GTPBP8: variants seen among roughly 807,000 people sequenced by gnomAD.
The protein encoded by GTPBP8 is GTP-binding protein 8.
A neutral mutation model predicts 27.3 loss-of-function variants in GTPBP8; 21 were observed. The ratio of observed to expected loss-of-function variants is 0.77; its 90% CI spans 0.55 to 1.11. The LOEUF (loss-of-function observed/expected upper bound fraction) is 1.11, where lower values mean the gene tolerates loss of function less well. Among genes scored for constraint, GTPBP8 ranks in the 50% least tolerant of loss-of-function variants. The pLI, the probability that GTPBP8 is intolerant of heterozygous loss-of-function variation, is 0.00. For missense variants in GTPBP8, 380 were observed against 350.8 expected, an observed-to-expected ratio of 1.08 and a Z score of -0.67; for synonymous variants, 147 against 135.3, an observed-to-expected ratio of 1.09 and a Z score of -0.60.
intron 2 of GTPBP8, among the ~76,000 whole-genome samples, chr3:112,994,222 G>A (rs957672758): frequency 2.2e-4 from 34 of 152,202 alleles, no homozygotes; most frequent in Non-Finnish European, 2.5e-4. Flanking sequence ...TTGGGAGTTC[G>A]AGACCAGCCT....
Position 113,001,608 on chromosome 3 carries a change from A to G in GTPBP8, c.*689A>G, listed in dbSNP as rs970151982. On this transcript the variant is annotated 3_prime_UTR_variant, in exon 6 of 6. Coordinates refer to ENST00000383678, the MANE Select transcript of GTPBP8 (RefSeq NM_014170.4). ...AGGTAACATGTGAGAAGACAGCTAC[A>G]TATTTGTAAAGCCAAACCAACAAAG... 1.3e-5 allele frequency: 2 copies of G among 152,236 alleles called. No homozygotes were observed. The highest frequency in any genetic ancestry group is 2.4e-5 in the African/African-American group (1 of 41,470). 9.4% of individuals were successfully genotyped at this position (152,236 alleles called of 1,614,324 possible).
In GTPBP8 at chr3:112,996,239, A is replaced by T. The variant is rs570014301; in HGVS notation, c.567-653A>T. Among the ~76,000 whole-genome samples the T allele has an allele frequency of 2.0e-5, 3 of 152,198 alleles. No homozygotes were observed. In the South Asian group the frequency reaches 6.2e-4, roughly 32 times the overall value. On this transcript the variant is annotated intron_variant, in intron 3 of 5. Transcript: ENST00000383678. ...TTTGGGAGGCCGAGGTCGGCGGATCACTTGAGGTCAGGAGTTCGAGACCAG... is the reference window on the plus strand; with the variant it reads ...TTTGGGAGGCCGAGGTCGGCGGATCTCTTGAGGTCAGGAGTTCGAGACCAG...
chr3:112,995,837 A>G (rs1361191130), intron 3 of GTPBP8, among the ~76,000 whole-genome samples: 1 of 152,122 alleles, frequency 6.6e-6, no homozygotes, highest in African/African-American at 2.4e-5. Context: ...CACCTGGCCC[A>G]TTAATTTTTT....
At position 112,991,343 on chromosome 3, in the gene GTPBP8, G is replaced by A. The variant is rs748040437; in HGVS notation, c.336+8G>A. ...GACCTTCCGCGGCCAGAGGTGAGAGGCGATTCTCACGGTTCACCTGCGCGC... is the reference window on the plus strand; with the variant it reads ...GACCTTCCGCGGCCAGAGGTGAGAGACGATTCTCACGGTTCACCTGCGCGC... On this transcript the variant is annotated splice_region_variant and intron_variant, in intron 1 of 5. Coordinates refer to ENST00000383678, the MANE Select transcript of GTPBP8 (RefSeq NM_014170.4). 7 of 1,611,398 alleles carry A rather than the reference G, an allele frequency of 4.3e-6. No homozygotes were observed. The highest frequency in any genetic ancestry group is 5.9e-6 in the Non-Finnish European group (7 of 1,178,262).
intron 4 of GTPBP8, 72 bp downstream of exon 4, chr3:112,997,063 C>A: frequency 1.4e-6 from 1 of 722,868 alleles, no homozygotes; most frequent in Non-Finnish European, 2.4e-6. Flanking sequence ...GAACATGCAC[C>A]TTTTAACAAT....
chr3:112,995,336 T>C, intron 3 of GTPBP8, 71 bp downstream of exon 3: 1 of 941,936 alleles, frequency 1.1e-6, no homozygotes, highest in Non-Finnish European at 1.6e-6. Flanking sequence ...TAGAGTATTA[T>C]ACACATGATT....
chr3:112,995,248 T>G lies in GTPBP8; in HGVS notation c.549T>G (p.Tyr183Ter), dbSNP rs768373063. 4 of 1,599,180 alleles carry G rather than the reference T, an allele frequency of 2.5e-6. No individual in the cohort carries two copies. Among genetic ancestry groups the G allele is most frequent in the Non-Finnish European group, 3.4e-6 (4 of 1,173,130 alleles). The part of the protein sequence containing the change: ...PEDFVDMVET[Y>*]LKERRNLKRT... The stretch of plus-strand genomic sequence containing the variant: ...ATTTTGTTGACATGGTAGAGACCTA[T>G]CTAAAAGAACGAAGGAAGTAAGGAA... Residue 183 changes from tyrosine to a stop codon, truncating the protein, a stop_gained, in exon 3 of 6, where the codon TAT (tyrosine) becomes TAG (stop). Transcript: ENST00000383678. LOFTEE classifies it high-confidence loss of function.
intron 4 of GTPBP8, among the ~76,000 whole-genome samples, chr3:112,997,900 A>C (rs1175494875): frequency 6.6e-6 from 1 of 152,222 alleles, no homozygotes; most frequent in Non-Finnish European, 1.5e-5. Context: ...TAGTTTATGA[A>C]ATCATATATT....
In GTPBP8 at chr3:113,000,858, C is replaced by T. The variant is rs751251006; in HGVS notation, c.794C>T (p.Thr265Ile). Reference sequence around the variant, plus strand: ...CTCTTTTCTTTTCACAGTGCTGTGACCTTTTCTGGAATCCACCTGTTGAGA... The same window carrying T: ...CTCTTTTCTTTTCACAGTGCTGTGATCTTTTCTGGAATCCACCTGTTGAGA... Reference protein sequence around the residue: ...FPQLFPVSAVTFSGIHLLRCF... With the variant: ...FPQLFPVSAVIFSGIHLLRCF... Residue 265 changes from threonine to isoleucine, a missense_variant, in exon 6 of 6, where the codon ACC becomes ATC. Transcript: ENST00000383678. 2.5e-6 allele frequency: 4 copies of T among 1,590,266 alleles called. No individual in the cohort carries two copies. The highest frequency in any genetic ancestry group is 3.4e-6 in the Non-Finnish European group (4 of 1,159,842).
At chr3:112,997,436 C>T (rs967987496) in intron 4 of GTPBP8, among the ~76,000 whole-genome samples, 5 of 152,202 alleles carry the variant, frequency 3.3e-5, no homozygotes, top group African/African-American at 4.8e-5. Context: ...CAGCCTCCAG[C>T]ACACACAAGT....
At chr3:112,993,356 T>C (rs1007645027) in intron 2 of GTPBP8, among the ~76,000 whole-genome samples, 13 of 150,758 alleles carry the variant, frequency 8.6e-5, no homozygotes, top group Middle Eastern at 3.4e-3. Context: ...TCTTTCTTTA[T>C]CCAAATTTTG....
chr3:112,991,229 A>C lies in GTPBP8; in HGVS notation c.230A>C (p.Asp77Ala). The change falls in exon 1 of 6, where the codon GAC becomes GCC. Residue 77 changes from aspartate to alanine, a missense_variant. Asp to Ala is a moderately radical substitution (Grantham distance 126). Transcript: ENST00000383678. ...HLRIFDPSPEDIARADNIFTA... is the reference protein window; with the variant it reads ...HLRIFDPSPEAIARADNIFTA... ...CGTATCTTTGACCCAAGCCCGGAGG[A>C]CATAGCCAGGGCGGACAACATCTTC... The C allele has an allele frequency of 6.2e-7, 1 of 1,614,152 alleles. No homozygotes were observed. Among genetic ancestry groups the C allele is most frequent in the Admixed American group, 1.7e-5 (1 of 60,038 alleles).
chr3:112,991,306 G>C lies in GTPBP8; in HGVS notation c.307G>C (p.Asp103His). 6.2e-7 allele frequency: 1 copy of C among 1,613,650 alleles called. No homozygotes were observed. The highest frequency in any genetic ancestry group is 1.1e-5 in the South Asian group (1 of 91,072). ...CTACGTCAGCTCCGCCGTCCGTATC[G>C]ACCACGCCCCGGACCTTCCGCGGCC... ...IDYVSSAVRI[D>H]HAPDLPRPEV... is the part of the protein sequence containing the mutation. Residue 103 changes from aspartate (D) to histidine (H), a missense_variant, in exon 1 of 6, where the codon GAC becomes CAC. By Grantham distance (81) the Asp-to-His change is moderately conservative. Transcript: ENST00000383678.
At chr3:112,994,795 A>C (rs1395954222) in intron 2 of GTPBP8, among the ~76,000 whole-genome samples, 1 of 152,236 alleles carries the variant, frequency 6.6e-6, no homozygotes, top group African/African-American at 2.4e-5. Context: ...ATATTGACTG[A>C]TGCAGTCACA....
In GTPBP8 at chr3:112,991,051, G is replaced by C; in HGVS notation, c.52G>C (p.Ala18Pro). ...AGCGGGAAGACTCTTTGAAATGCCT[G>C]CGGTGCTAGAGCGACTGAGCCGCTA... is the stretch of plus-strand genomic sequence containing the variant. ...LGAGRLFEMP[A>P]VLERLSRYNS... Residue 18 changes from alanine to proline, a missense_variant, in exon 1 of 6, where the codon GCG (alanine) becomes CCG (proline). Transcript: ENST00000383678. 6.2e-7 allele frequency: 1 copy of C among 1,609,960 alleles called. No homozygotes were observed. Among genetic ancestry groups the C allele is most frequent in the Non-Finnish European group, 8.5e-7 (1 of 1,177,138 alleles).
At chr3:112,999,776 CT>C (rs35504010) in intron 5 of GTPBP8, among the ~76,000 whole-genome samples, 1 of 152,104 alleles carries the variant, frequency 6.6e-6, no homozygotes, top group Non-Finnish European at 1.5e-5. Flanking sequence ...CCCCTCCCAC[CT>C]TTCCCCATGA....
intron 5 of GTPBP8, among the ~76,000 whole-genome samples, chr3:113,000,207 G>T (rs1559712106): frequency 6.6e-6 from 1 of 151,928 alleles, no homozygotes; most frequent in East Asian, 1.9e-4. Context: ...TGGTCAACAT[G>T]GTGAAACCCC....
In GTPBP8 at chr3:112,991,031, G is replaced by C; in HGVS notation, c.32G>C (p.Gly11Ala). 6.2e-7 allele frequency: 1 copy of C among 1,603,144 alleles called. No homozygotes were observed. Among genetic ancestry groups the C allele is most frequent in the Non-Finnish European group, 8.5e-7 (1 of 1,172,396 alleles). Residue 11 changes from glycine (G) to alanine (A), a missense_variant, in exon 1 of 6, where the codon GGA (glycine) becomes GCA (alanine). Gly to Ala is a moderately conservative substitution (Grantham distance 60). Transcript: ENST00000383678. Reference sequence around the variant, plus strand: ...GCGCCCGGGCTGCGGCTGGGAGCGGGAAGACTCTTTGAAATGCCTGCGGTG... The same window carrying C: ...GCGCCCGGGCTGCGGCTGGGAGCGGCAAGACTCTTTGAAATGCCTGCGGTG... MAAPGLRLGA[G>A]RLFEMPAVLE...
At chr3:112,994,672 C>G (rs1429533162) in intron 2 of GTPBP8, among the ~76,000 whole-genome samples, 1 of 152,182 alleles carries the variant, frequency 6.6e-6, no homozygotes, top group Admixed American at 6.5e-5. Context: ...AAGAAACGAT[C>G]AGAGTTTGGA....
Sources: gnomAD v4.1 joint callset for allele counts (sites outside exome capture counted in the v4.1 genomes callset) on GRCh38, gnomAD v4.1.1 for gene constraint, MANE v1.5 for transcripts, NCBI Gene and HGNC (gene_info 2026-07-23, HGNC 2026-07-21) for gene names.